Variants in LRCOL1 observed in about 807,000 individuals in gnomAD.
LRCOL1 encodes leucine-rich colipase-like protein 1.
Under a neutral mutation model 21.6 loss-of-function variants are expected in LRCOL1, and 21 were observed. That is an observed-to-expected ratio of 0.97 (90% confidence interval 0.69 to 1.40). The LOEUF (loss-of-function observed/expected upper bound fraction) is 1.40. LRCOL1 is among the 40% of genes most tolerant of loss of function. The pLI is 0.00. For missense variants in LRCOL1, 198 were observed against 202.3 expected, an observed-to-expected ratio of 0.98 and a Z score of 0.13; for synonymous variants, 98 against 90.1, an observed-to-expected ratio of 1.09 and a Z score of -0.49.
chr12:132,607,989 GTCTC>G (rs1170568336), intron 1 of LRCOL1, among the ~76,000 whole-genome samples: 7 of 126,650 alleles, frequency 5.5e-5, no homozygotes, highest in Admixed American at 2.7e-4. Flanking sequence ...CCCTGTCTCT[GTCTC>G]TCTCTGTCTC....
Position 132,606,320 on chromosome 12 carries a change from G to T in LRCOL1, c.-13-56C>A. On this transcript the variant is annotated intron_variant, in intron 1 of 5. Transcript: ENST00000376608. This position sits in a 1 kb window ranked among gnomAD's most constrained non-coding sequence, Gnocchi z 4.6. ...GTCCACGCCAGCCTTGTCCTGCCTG[G>T]CACCTGGTGCTGGCCTCCCCACTCC... 1 of 1,452,672 alleles carries T rather than the reference G, an allele frequency of 6.9e-7. No individual in the cohort carries two copies. Among genetic ancestry groups the T allele is most frequent in the Non-Finnish European group, 9.3e-7 (1 of 1,075,486 alleles). 90.0% of individuals were successfully genotyped at this position (1,452,672 alleles called of 1,614,324 possible).
At chr12:132,603,906 A>T in intron 5 of LRCOL1, 1 of 1,198,728 alleles carries the variant, frequency 8.3e-7, no homozygotes, top group African/African-American at 1.6e-5. Context: ...CTCCTCCTCC[A>T]GGGCTGGTGA....
chr12:132,607,995 C>G (rs112615974), intron 1 of LRCOL1, among the ~76,000 whole-genome samples: 153 of 132,204 alleles, frequency 1.2e-3, no homozygotes, highest in African/African-American at 3.9e-3. Context: ...CTCTGTCTCT[C>G]TCTGTCTCTG....
chr12:132,605,400 A>G (rs1481284696), intron 2 of LRCOL1, among the ~76,000 whole-genome samples: 4 of 152,256 alleles, frequency 2.6e-5, no homozygotes, highest in Non-Finnish European at 4.4e-5. Context: ...ATCCCATTGC[A>G]TGTTAACATA....
rs570989401 is a variant in LRCOL1 at position 132,606,730 on chromosome 12, C to G, written c.-13-466G>C. Among the ~76,000 whole-genome samples, 1 of 151,426 alleles carries G rather than the reference C, an allele frequency of 6.6e-6. No homozygotes were observed. Among genetic ancestry groups the G allele is most frequent in the East Asian group, 1.9e-4 (1 of 5,134 alleles). On this transcript the variant is annotated intron_variant, in intron 1 of 5. Transcript: ENST00000376608. This position sits in a 1 kb window ranked among gnomAD's most constrained non-coding sequence, Gnocchi z 4.6. Reference sequence around the variant, plus strand: ...TCCCCAGCTGCTGACAGCCACCGAGCTTTTCACTGTCAGCTTGGTTTTGCC... The same window carrying G: ...TCCCCAGCTGCTGACAGCCACCGAGGTTTTCACTGTCAGCTTGGTTTTGCC...
At position 132,606,197 on chromosome 12, in the gene LRCOL1, C is replaced by A; in HGVS notation, c.55G>T (p.Gly19Trp). The A allele has an allele frequency of 7.1e-7, 1 of 1,410,294 alleles. No individual in the cohort carries two copies. The allele number at this position is 1,410,294 out of a possible 1,614,324, so 87.4% of individuals were successfully genotyped here. The change falls in exon 2 of 6, where the codon GGG becomes TGG. Residue 19 changes from glycine (G) to tryptophan (W), a missense_variant. By Grantham distance (184) the Gly-to-Trp change is radical. Coordinates refer to ENST00000376608, the MANE Select transcript of LRCOL1 (RefSeq NM_001195520.2). The surrounding 1 kb of genome is among the most constrained non-coding windows in gnomAD (Gnocchi z 4.6). Reference protein sequence around the residue: ...LLLLLLLLLLGSMAGYGPQKK... With the variant: ...LLLLLLLLLLWSMAGYGPQKK... Reference sequence around the variant, plus strand: ...TGTGGCCCATACCCTGCCATGGACCCCAGCAGCAGCAGCAGCAGCAGCAGT... The same window carrying A: ...TGTGGCCCATACCCTGCCATGGACCACAGCAGCAGCAGCAGCAGCAGCAGT...
chr12:132,606,237 C>G lies in LRCOL1; in HGVS notation c.15G>C (p.Gly5=). 1 of 1,536,392 alleles carries G rather than the reference C, an allele frequency of 6.5e-7. No homozygotes were observed. The highest frequency in any genetic ancestry group is 1.2e-5 in the South Asian group (1 of 84,048). The change falls in exon 2 of 6, where the codon GGG becomes GGC. Residue 5 remains glycine (G), a synonymous_variant. Coordinates refer to ENST00000376608, the MANE Select transcript of LRCOL1 (RefSeq NM_001195520.2). This position sits in a 1 kb window ranked among gnomAD's most constrained non-coding sequence, Gnocchi z 4.6. ...GCAGCAGCAGTAGCAGCAGCGTCCA[C>G]CCCGGGCCGGCCATCGGGTGTGTGG... MAGP[G]WTLLLLLLLL...
Position 132,607,505 on chromosome 12 carries a change from G to A in LRCOL1, c.-13-1241C>T, listed in dbSNP as rs535891474. Among the ~76,000 whole-genome samples the A allele has an allele frequency of 3.9e-5, 6 of 152,302 alleles. 1 individual carries two copies. Among genetic ancestry groups the A allele is most frequent in the South Asian group, 4.1e-4 (2 of 4,828 alleles). On this transcript the variant is annotated intron_variant, in intron 1 of 5. Coordinates refer to ENST00000376608, the MANE Select transcript of LRCOL1 (RefSeq NM_001195520.2). Reference sequence around the variant, plus strand: ...AAAGTCCACCCTTGGCCTCCCCCTCGGCTCCCTCACCCCGTGCTGTGAGAC... The same window carrying A: ...AAAGTCCACCCTTGGCCTCCCCCTCAGCTCCCTCACCCCGTGCTGTGAGAC...
At chr12:132,605,127 G>A in intron 2 of LRCOL1, 1 of 1,182,740 alleles carries the variant, frequency 8.5e-7, no homozygotes, top group African/African-American at 1.6e-5. Context: ...CCAGCCCAGT[G>A]CCTGGCATTT....
intron 5 of LRCOL1, 116 bp from the exon 6 acceptor site, chr12:132,603,520 G>A (rs980516359): frequency 5.2e-6 from 8 of 1,526,346 alleles, no homozygotes; most frequent in African/African-American, 1.4e-5. Flanking sequence ...CGTGGGGGTC[G>A]GGACAGCACC....
intron 5 of LRCOL1, 94 bp from the exon 6 acceptor site, chr12:132,603,498 C>A (rs532522981): frequency 6.5e-7 from 1 of 1,534,622 alleles, no homozygotes; most frequent in Non-Finnish European, 8.7e-7. Context: ...CAGCATCTCC[C>A]GGCACCAGCC....
At chr12:132,603,467 G>A (rs2041252417) in intron 5 of LRCOL1, 63 bp from the exon 6 acceptor site, 19 of 1,535,864 alleles carry the variant, frequency 1.2e-5, no homozygotes, top group Non-Finnish European at 1.6e-5. Context: ...GCCGCGGAAG[G>A]AGGACGGGAA....
Position 132,603,549 on chromosome 12 carries a change from C to T in LRCOL1, c.478-145G>A, listed in dbSNP as rs1263997950. ...CAGCACCCAGAGGCCGACGCCCACG[C>T]TCAGCTCGCGAGAGGGACGCCCACG... On this transcript the variant is annotated intron_variant, in intron 5 of 5. Transcript: ENST00000376608. The T allele has an allele frequency of 2.7e-6, 4 of 1,493,342 alleles. No homozygotes were observed. The East Asian group carries it at 9.9e-5, about 37-fold the overall frequency. The allele number at this position is 1,493,342 out of a possible 1,614,324, so 92.5% of individuals were successfully genotyped here.
chr12:132,603,770 G>T (rs1441871121), intron 5 of LRCOL1: 25 of 985,300 alleles, frequency 2.5e-5, no homozygotes, highest in Non-Finnish European at 2.8e-5. Context: ...CTGGCGACCT[G>T]GCCCCCTCCC....
rs771720911 is a variant in LRCOL1 at position 132,604,816 on chromosome 12, A to G, written c.121T>C (p.Cys41Arg). 14 of 1,535,944 alleles carry G rather than the reference A, an allele frequency of 9.1e-6. No individual in the cohort carries two copies. The South Asian group carries it at 9.5e-5, about 10-fold the overall frequency. Residue 41 changes from cysteine (C) to arginine (R), a missense_variant, in exon 3 of 6, where the codon TGC becomes CGC. Coordinates refer to ENST00000376608, the MANE Select transcript of LRCOL1 (RefSeq NM_001195520.2). The stretch of plus-strand genomic sequence containing the variant: ...CTCTGGCACTCCTCGTGTCTCCTGC[A>G]TGGCTCCCCGATGCCCTGAAACACC... ...NLSHKGIGEP[C>R]RRHEECQSNC...
chr12:132,607,551 G>A (rs1365182794), intron 1 of LRCOL1, among the ~76,000 whole-genome samples: 9 of 152,186 alleles, frequency 5.9e-5, no homozygotes, highest in African/African-American at 1.9e-4. Flanking sequence ...TCAGGGCTGC[G>A]CTAGGGCCAG....
rs947100305 is a variant in LRCOL1 at position 132,606,739 on chromosome 12, G to A, written c.-13-475C>T. Among the ~76,000 whole-genome samples, 7 of 152,200 alleles carry A rather than the reference G, an allele frequency of 4.6e-5. No homozygotes were observed. The highest frequency in any genetic ancestry group is 8.8e-5 in the Non-Finnish European group (6 of 68,018). On this transcript the variant is annotated intron_variant, in intron 1 of 5. Transcript: ENST00000376608. This position sits in a 1 kb window ranked among gnomAD's most constrained non-coding sequence, Gnocchi z 4.6. ...GCTGACAGCCACCGAGCTTTTCACTGTCAGCTTGGTTTTGCCTTCTCCAGA... is the reference window on the plus strand; with the variant it reads ...GCTGACAGCCACCGAGCTTTTCACTATCAGCTTGGTTTTGCCTTCTCCAGA...
At chr12:132,605,178 C>G in intron 2 of LRCOL1, 2 of 971,540 alleles carry the variant, frequency 2.1e-6, no homozygotes, top group Non-Finnish European at 2.4e-6. Context: ...GAGCAAGGTG[C>G]CCAGGATTGC....
chr12:132,604,609 C>G, intron 3 of LRCOL1, 25 bp from the exon 4 acceptor site: 1 of 1,527,216 alleles, frequency 6.5e-7, no homozygotes, highest in Non-Finnish European at 8.8e-7. Flanking sequence ...ACGCGTCATC[C>G]CTGCACCCAC....
Sources: gnomAD v4.1 joint callset for allele counts (sites outside exome capture counted in the v4.1 genomes callset) on GRCh38, gnomAD v4.1.1 for gene constraint, Gnocchi (gnomAD v3.1) non-coding constraint, MANE v1.5 for transcripts, NCBI Gene and HGNC (gene_info 2026-07-23, HGNC 2026-07-21) for gene names.